The following ADAMTSL1 variants were observed in gnomAD, a reference collection of about 807,000 sequenced individuals.
The protein encoded by ADAMTSL1 is ADAMTS like 1.
ADAMTSL1 carries 126 observed loss-of-function variants against 201.8 expected under a neutral mutation model. The observed-to-expected ratio is 0.62, with a 90% confidence interval of 0.54 to 0.72. The LOEUF (loss-of-function observed/expected upper bound fraction) is 0.72, where lower values mean the gene tolerates loss of function less well. ADAMTSL1 is among the 30% of genes least tolerant of loss of function. ADAMTSL1 has a pLI of 0.00. For missense variants in ADAMTSL1, 2,679 were observed against 2,277.8 expected, an observed-to-expected ratio of 1.18 and a Z score of -3.59; for synonymous variants, 1,121 against 903.4, an observed-to-expected ratio of 1.24 and a Z score of -4.32.
intron 26 of ADAMTSL1, among the ~76,000 whole-genome samples, chr9:18,897,926 C>G (rs1018920376): frequency 3.9e-5 from 6 of 151,908 alleles, no homozygotes; most frequent in Admixed American, 2.0e-4. Flanking sequence ...ATCTGTAATT[C>G]CAGCATTTTG....
chr9:18,674,364 A>G (rs562596799), intron 9 of ADAMTSL1, among the ~76,000 whole-genome samples: 1 of 152,300 alleles, frequency 6.6e-6, no homozygotes, highest in East Asian at 1.9e-4. Flanking sequence ...TATCCATCTT[A>G]AATGCTTTGT....
At chr9:18,201,964 T>A (rs1463554994) in intron 2 of ADAMTSL1, among the ~76,000 whole-genome samples, 5 of 152,182 alleles carry the variant, frequency 3.3e-5, no homozygotes, top group Non-Finnish European at 5.9e-5. Flanking sequence ...TCAAATATCA[T>A]GCATTAAATT....
At chr9:18,007,184 A>C (rs1052674860) in intron 1 of ADAMTSL1, among the ~76,000 whole-genome samples, 1 of 152,042 alleles carries the variant, frequency 6.6e-6, no homozygotes, top group Non-Finnish European at 1.5e-5. Flanking sequence ...CCTCAAACTC[A>C]TCACAGAACT....
intron 3 of ADAMTSL1, among the ~76,000 whole-genome samples, chr9:18,566,472 A>C (rs1359304214): frequency 6.6e-6 from 1 of 152,224 alleles, no homozygotes; most frequent in Non-Finnish European, 1.5e-5. Flanking sequence ...AGGAAAGTTG[A>C]GCAGGATAAA....
intron 9 of ADAMTSL1, among the ~76,000 whole-genome samples, chr9:18,663,608 C>A (rs1371452741): frequency 2.0e-5 from 3 of 152,018 alleles, no homozygotes; most frequent in African/African-American, 7.2e-5. Context: ...GTCAAGTCAG[C>A]CCTAGAGAGA....
At chr9:18,159,893 T>G (rs1224015439) in intron 1 of ADAMTSL1, among the ~76,000 whole-genome samples, 1 of 152,058 alleles carries the variant, frequency 6.6e-6, no homozygotes, top group African/African-American at 2.4e-5. Flanking sequence ...AAAAGATTCT[T>G]GTTATTCAGT....
At chr9:18,166,309 TCGTGG>T (rs1563779191) in intron 2 of ADAMTSL1, among the ~76,000 whole-genome samples, 1 of 151,894 alleles carries the variant, frequency 6.6e-6, no homozygotes, top group Non-Finnish European at 1.5e-5. Flanking sequence ...TAGAGAATAG[TCGTGG>T]TGAGAAAACC....
intron 8 of ADAMTSL1, among the ~76,000 whole-genome samples, chr9:18,659,493 A>G (rs545263863): frequency 3.3e-5 from 5 of 152,346 alleles, no homozygotes; most frequent in African/African-American, 1.2e-4. Context: ...GGCCAGGTGC[A>G]GTGGCTCACG....
chr9:18,153,417 A>G (rs1307266857), intron 1 of ADAMTSL1, among the ~76,000 whole-genome samples: 3 of 152,090 alleles, frequency 2.0e-5, no homozygotes, highest in Non-Finnish European at 2.9e-5. Context: ...GATTTTTTAA[A>G]AAGCCTTCAT....
chr9:18,135,406 AT>A (rs1826117285), intron 1 of ADAMTSL1, among the ~76,000 whole-genome samples: 1 of 152,314 alleles, frequency 6.6e-6, no homozygotes, highest in South Asian at 2.1e-4. Context: ...GCTTAAAAAA[AT>A]ATATTTTCTG....
intron 2 of ADAMTSL1, among the ~76,000 whole-genome samples, chr9:18,320,788 T>C (rs1300772003): frequency 1.3e-5 from 2 of 152,106 alleles, no homozygotes; most frequent in African/African-American, 4.8e-5. Flanking sequence ...TAATTCTAAA[T>C]AAACTGACAA....
chr9:18,290,781 G>GTTTTTTTTTTTTT (rs71492936), intron 2 of ADAMTSL1, among the ~76,000 whole-genome samples: 2 of 135,068 alleles, frequency 1.5e-5, no homozygotes, highest in Admixed American at 7.0e-5. Flanking sequence ...TTTTTTGTGT[G>GTTTTTTTTTTTTT]TTTTTTTTTT....
intron 23 of ADAMTSL1, among the ~76,000 whole-genome samples, chr9:18,853,889 CTGTGTGTG>C (rs71333070): frequency 3.3e-5 from 4 of 120,366 alleles, no homozygotes; most frequent in South Asian, 3.1e-4. Flanking sequence ...TATTCACTCT[CTGTGTGTG>C]TGTGTGTGTG....
intron 15 of ADAMTSL1, among the ~76,000 whole-genome samples, chr9:18,750,701 C>T (rs1045877007): frequency 2.0e-5 from 3 of 152,156 alleles, no homozygotes; most frequent in African/African-American, 7.2e-5. Context: ...TGACAATAAA[C>T]ATTGATCACC....
At chr9:18,776,008 G>A (rs1386222220) in intron 18 of ADAMTSL1, 112 bp downstream of exon 18, 2 of 1,379,994 alleles carry the variant, frequency 1.4e-6, no homozygotes, top group Non-Finnish European at 2.0e-6. Context: ...TAGTGGGACA[G>A]TAGAACCCCA....
Position 18,166,874 on chromosome 9 carries a change from G to C in ADAMTSL1, c.207+2893G>C, listed in dbSNP as rs149662865. ...TTTGACCAAAATAGGTGGTCATTTT[G>C]ACCTTTCAGTGATACTTTCTCAATC... On this transcript the variant is annotated intron_variant, in intron 2 of 29. Transcript: ENST00000680146. Among the ~76,000 whole-genome samples the C allele has an allele frequency of 1.6e-3, 243 of 152,054 alleles. 1 individual carries two copies. The highest frequency in any genetic ancestry group is 2.3e-3 in the Non-Finnish European group (159 of 67,920).
At chr9:18,208,638 T>TAGTGAACC (rs1829748858) in intron 2 of ADAMTSL1, among the ~76,000 whole-genome samples, 1 of 152,204 alleles carries the variant, frequency 6.6e-6, no homozygotes, top group South Asian at 2.1e-4. Flanking sequence ...AATTTGAGGA[T>TAGTGAACC]AGTGAACCAG....
At chr9:18,699,530 A>G (rs1235570881) in intron 13 of ADAMTSL1, among the ~76,000 whole-genome samples, 2 of 151,930 alleles carry the variant, frequency 1.3e-5, no homozygotes, top group South Asian at 2.1e-4. Flanking sequence ...GGGTCTTGCT[A>G]TATTGCCCAG....
intron 1 of ADAMTSL1, among the ~76,000 whole-genome samples, chr9:18,026,831 G>A (rs769335217): frequency 3.9e-4 from 60 of 151,972 alleles, no homozygotes; most frequent in Non-Finnish European, 7.5e-4. Context: ...AATCCATCTT[G>A]TCCAGGGCTT....
Sources: gnomAD v4.1 joint callset for allele counts (sites outside exome capture counted in the v4.1 genomes callset) on GRCh38, gnomAD v4.1.1 for gene constraint, MANE v1.5 for transcripts, NCBI Gene and HGNC (gene_info 2026-07-23, HGNC 2026-07-21) for gene names.